MRPS25: variants seen among roughly 807,000 people sequenced by gnomAD.
MRPS25 encodes the protein mitochondrial ribosomal protein S25, also known as small ribosomal subunit protein mS25.
In MRPS25, 15 loss-of-function variants were observed where a neutral mutation model predicts 17.3. The observed-to-expected ratio is 0.87, with a 90% confidence interval of 0.58 to 1.34. The LOEUF is 1.34. MRPS25 is among the 40% of genes most tolerant of loss of function. The pLI is 0.00. For missense variants in MRPS25, 225 were observed against 218.6 expected (o/e 1.03, Z -0.19); for synonymous variants, 94 against 83.3 (o/e 1.13, Z -0.70).
downstream of MRPS25, chr3:15,043,219 G>T: frequency 2.6e-6 from 1 of 388,800 alleles, no homozygotes; most frequent in Non-Finnish European, 4.5e-6. Flanking sequence ...GCCTTTTGAT[G>T]AAGCAGCAGA....
At position 15,050,403 on chromosome 3, in the gene MRPS25, T is replaced by G; in HGVS notation, c.*2038A>C. On this transcript the variant is annotated 3_prime_UTR_variant, in exon 4 of 4. Transcript: ENST00000253686. ...CACCACTCCTTTTGGTTCAGGACAT[T>G]CCTGCTGGTTAGCAGCCTCTTTGGG... 2.0e-6 allele frequency: 2 copies of G among 1,007,866 alleles called. No homozygotes were observed. The highest frequency in any genetic ancestry group is 4.1e-5 in the South Asian group (1 of 24,104). 62.4% of individuals were successfully genotyped at this position (1,007,866 alleles called of 1,614,324 possible).
intron 2 of MRPS25, among the ~76,000 whole-genome samples, chr3:15,058,629 A>G (rs974659699): frequency 2.0e-5 from 3 of 152,242 alleles, no homozygotes; most frequent in Admixed American, 6.5e-5. Context: ...CATGTGTTAC[A>G]TATTGGTGGA....
chr3:15,049,544 A>C lies in MRPS25; in HGVS notation c.*2897T>G, dbSNP rs569359643. On this transcript the variant is annotated 3_prime_UTR_variant, in exon 4 of 4. Coordinates refer to ENST00000253686, the MANE Select transcript of MRPS25 (RefSeq NM_022497.5). ...TGGTGTGGAGGTAGGGAAGCCACAC[A>C]CATGTTTCTGGAGCAGAGCACAGTT... The C allele has an allele frequency of 9.6e-6, 3 of 313,620 alleles. No homozygotes were observed. The highest frequency in any genetic ancestry group is 1.5e-4 in the East Asian group (2 of 13,042). The allele number at this position is 313,620 out of a possible 1,614,324, so 19.4% of individuals were successfully genotyped here. A position where few individuals can be genotyped will look rare whatever the true frequency, so the allele number is the denominator to read the frequency against.
At chr3:15,063,154 G>A (rs1392036982) in intron 1 of MRPS25, among the ~76,000 whole-genome samples, 1 of 152,042 alleles carries the variant, frequency 6.6e-6, no homozygotes, top group African/African-American at 2.4e-5. Context: ...CCCAGAAGGT[G>A]GGGTTTTACA....
chr3:15,059,332 G>A (rs941334235), intron 2 of MRPS25, 37 bp downstream of exon 2: 1 of 1,400,302 alleles, frequency 7.1e-7, no homozygotes, highest in African/African-American at 1.4e-5. Flanking sequence ...AGGCATGTCT[G>A]GGACAGCCCC....
intron 3 of MRPS25, 152 bp from the exon 4 acceptor site, chr3:15,052,785 C>CA: frequency 1.2e-6 from 1 of 834,226 alleles, no homozygotes; most frequent in South Asian, 1.7e-5. Context: ...CTATCGCTGT[C>CA]TCCCTGCTGG....
At position 15,065,189 on chromosome 3, in the gene MRPS25, G is replaced by T. The variant is rs1048572464; in HGVS notation, c.6C>A (p.Pro2=). The T allele has an allele frequency of 3.8e-6, 6 of 1,598,332 alleles. No individual in the cohort carries two copies. The highest frequency in any genetic ancestry group is 2.7e-5 in the African/African-American group (2 of 74,498). The change falls in exon 1 of 4, where the codon CCC becomes CCA. Residue 2 remains proline, a synonymous_variant. Transcript: ENST00000253686. The stretch of plus-strand genomic sequence containing the variant: ...GGCGGATGGGGAAGCGGCCCTTCAT[G>T]GGCATGGCGGCAACGGTGGCGGGGC... The part of the protein sequence containing the change: M[P]MKGRFPIRRT...
chr3:15,065,292 C>G lies in MRPS25; in HGVS notation c.-98G>C, dbSNP rs939550. ...CGCGCGGATCTCACGCGGCTTCTCC[C>G]CAGAGCCAGGTTCCACTTCCCGCGC... On this transcript the variant is annotated 5_prime_UTR_variant, in exon 1 of 4. Transcript: ENST00000253686. 4.3e-3 allele frequency: 6,101 copies of G among 1,426,708 alleles called. 219 individuals are homozygous for G. In the African/African-American group the frequency reaches 0.079, roughly 18 times the overall value. The allele number at this position is 1,426,708 out of a possible 1,614,324, so 88.4% of individuals were successfully genotyped here.
At position 15,062,617 on chromosome 3, in the gene MRPS25, G is replaced by C. The variant is rs571771526; in HGVS notation, c.134+2444C>G. 5.3e-3 allele frequency among the ~76,000 whole-genome samples: 808 copies of C among 152,256 alleles called. 4 individuals carry two copies. The highest frequency in any genetic ancestry group is 0.019 in the African/African-American group (773 of 41,544). On this transcript the variant is annotated intron_variant, in intron 1 of 3. Transcript: ENST00000253686. ...GCCATGATGACAATGGCAGTTTTGTGGAATAGAAAGGGGGGAAAGGTGGGG... is the reference window on the plus strand; with the variant it reads ...GCCATGATGACAATGGCAGTTTTGTCGAATAGAAAGGGGGGAAAGGTGGGG...
At chr3:15,058,841 T>G (rs1192586287) in intron 2 of MRPS25, among the ~76,000 whole-genome samples, 1 of 151,952 alleles carries the variant, frequency 6.6e-6, no homozygotes, top group Non-Finnish European at 1.5e-5. Context: ...GAGCCAAACT[T>G]AATGGAATAA....
intron 1 of MRPS25, 131 bp from the exon 2 acceptor site, chr3:15,059,606 A>C (rs1376876310): frequency 1.5e-6 from 1 of 673,100 alleles, no homozygotes; most frequent in African/African-American, 1.8e-5. Flanking sequence ...GCTGAGAAAA[A>C]ACTCGCAGGG....
downstream of MRPS25, chr3:15,042,938 G>A: frequency 6.2e-7 from 1 of 1,614,194 alleles, no homozygotes; most frequent in Middle Eastern, 1.6e-4. Context: ...TCGATAGACA[G>A]CATAATCCCC....
intron 1 of MRPS25, among the ~76,000 whole-genome samples, chr3:15,062,426 C>T: frequency 1.8e-5 from 1 of 54,918 alleles, no homozygotes; most frequent in Admixed American, 1.6e-4. Flanking sequence ...GGCCAGCCGC[C>T]CCATCCGGGA....
At chr3:15,064,944 T>C in intron 1 of MRPS25, 117 bp downstream of exon 1, 1 of 1,352,010 alleles carries the variant, frequency 7.4e-7, no homozygotes, top group Non-Finnish European at 1.0e-6. Flanking sequence ...AGCGCCGACC[T>C]GGGGGGCCCG....
At chr3:15,062,103 C>CGCCT (rs2042774106) in intron 1 of MRPS25, among the ~76,000 whole-genome samples, 1 of 143,398 alleles carries the variant, frequency 7.0e-6, no homozygotes, top group Non-Finnish European at 1.5e-5. Flanking sequence ...GGGGCTCAGC[C>CGCCT]GCCCGGCCAG....
chr3:15,065,090 G>C lies in MRPS25; in HGVS notation c.105C>G (p.Asn35Lys). ...DSVKVMTVNY[N>K]THGELGEGAR... Reference sequence around the variant, plus strand: ...CGCCCTCGCCCAGCTCCCCATGCGTGTTGTAATTCACTGTCATGACCTTCA... The same window carrying C: ...CGCCCTCGCCCAGCTCCCCATGCGTCTTGTAATTCACTGTCATGACCTTCA... Residue 35 changes from asparagine to lysine, a missense_variant, in exon 1 of 4, where the codon AAC becomes AAG. Asn to Lys is a moderately conservative substitution (Grantham distance 94). Coordinates refer to ENST00000253686, the MANE Select transcript of MRPS25 (RefSeq NM_022497.5). The C allele has an allele frequency of 6.2e-7, 1 of 1,606,194 alleles. No homozygotes were observed. Among genetic ancestry groups the C allele is most frequent in the East Asian group, 2.2e-5 (1 of 44,544 alleles).
At chr3:15,064,958 C>T in intron 1 of MRPS25, 103 bp downstream of exon 1, 3 of 1,436,034 alleles carry the variant, frequency 2.1e-6, no homozygotes, top group Non-Finnish European at 2.8e-6. Flanking sequence ...GGGCCCGCCC[C>T]GGGGATGAAC....
rs1463009892 is a variant in MRPS25 at position 15,059,357 on chromosome 3, G to A, written c.241+12C>T. The A allele has an allele frequency of 1.3e-6, 2 of 1,578,718 alleles. No individual in the cohort carries two copies. The highest frequency in any genetic ancestry group is 2.7e-5 in the African/African-American group (2 of 74,142). ...GGGACAGCCCCTGGACCATGGCGAGGGCCCCACTCACCTAAGTAGAATCGC... is the reference window on the plus strand; with the variant it reads ...GGGACAGCCCCTGGACCATGGCGAGAGCCCCACTCACCTAAGTAGAATCGC... On this transcript the variant is annotated intron_variant, in intron 2 of 3. Transcript: ENST00000253686.
Position 15,051,414 on chromosome 3 carries a change from G to A in MRPS25, c.*1027C>T. ...GCCCAGGCTGGTCTCGAACTCCTGG[G>A]CTCAACTATCCGCCCACATCAGCCT... On this transcript the variant is annotated 3_prime_UTR_variant, in exon 4 of 4. Coordinates refer to ENST00000253686, the MANE Select transcript of MRPS25 (RefSeq NM_022497.5). 1 of 828,704 alleles carries A rather than the reference G, an allele frequency of 1.2e-6. No individual in the cohort carries two copies. The highest frequency in any genetic ancestry group is 1.5e-6 in the Non-Finnish European group (1 of 687,046). 51.3% of individuals were successfully genotyped at this position (828,704 alleles called of 1,614,324 possible).
Sources: allele counts gnomAD v4.1 joint callset (sites outside exome capture counted in the v4.1 genomes callset), GRCh38; gene constraint gnomAD v4.1.1; transcripts MANE v1.5; gene names NCBI Gene and HGNC (gene_info 2026-07-23, HGNC 2026-07-21).